KLC1: variants seen among roughly 807,000 people sequenced by gnomAD.
KLC1 encodes the protein kinesin 2 60/70kDa.
Under a neutral mutation model 84.2 loss-of-function variants are expected in KLC1, and 30 were observed. The observed-to-expected ratio is 0.36, with a 90% confidence interval of 0.27 to 0.48. KLC1 has a LOEUF of 0.48. Among genes scored for constraint, KLC1 ranks in the 20% least tolerant of loss-of-function variants. The probability of loss-of-function intolerance (pLI) is 0.99; values close to 1 mark genes in which losing one functional copy is unlikely to be tolerated. For missense variants in KLC1, 499 were observed against 805.4 expected, an observed-to-expected ratio of 0.62 and a Z score of 4.60; for synonymous variants, 289 against 293.3, an observed-to-expected ratio of 0.99 and a Z score of 0.15.
At chr14:103,670,077 G>T in intron 6 of KLC1, 105 bp from the exon 7 acceptor site, 1 of 755,234 alleles carries the variant, frequency 1.3e-6, no homozygotes. Flanking sequence ...ATCCGACTAA[G>T]AATGCTTTAC....
rs752914574 is a variant in KLC1 at position 103,657,607 on chromosome 14, C to T, written c.323C>T (p.Ala108Val). 4.4e-5 allele frequency: 71 copies of T among 1,613,958 alleles called. No individual in the cohort carries two copies. The highest frequency in any genetic ancestry group is 2.3e-4 in the African/African-American group (17 of 74,874). The change falls in exon 3 of 17, where the codon GCG becomes GTG. Residue 108 changes from alanine (A) to valine (V), a missense_variant. Coordinates refer to ENST00000334553, the MANE Select transcript of KLC1 (RefSeq NM_001394837.1). ...GAGTCCGAGAAGCAGAAACTGCGTG[C>T]GCAGGTTCGTCGTCTGTGCCAGGAG... ...AVESEKQKLR[A>V]QVRRLCQENQ...
intron 15 of KLC1, chr14:103,699,818 C>T (rs2082979909): frequency 7.1e-6 from 4 of 565,092 alleles, no homozygotes; most frequent in East Asian, 6.2e-5. Context: ...TTCCTCTGGC[C>T]CCCCCAGGCA....
intron 9 of KLC1, 113 bp from the exon 10 acceptor site, chr14:103,675,439 G>T: frequency 1.2e-6 from 1 of 812,420 alleles, no homozygotes; most frequent in South Asian, 1.7e-5. Context: ...TCCAAAGTTT[G>T]AAACTTTTCG....
intron 15 of KLC1, chr14:103,699,637 C>G (rs2082945995): frequency 3.8e-6 from 6 of 1,563,312 alleles, no homozygotes; most frequent in Non-Finnish European, 5.3e-6. Flanking sequence ...GGTGACCAGA[C>G]CCCGTTTGGA....
chr14:103,681,249 AT>A (rs1567035125), intron 13 of KLC1, among the ~76,000 whole-genome samples: 1 of 152,112 alleles, frequency 6.6e-6, no homozygotes, highest in East Asian at 1.9e-4. Context: ...GTTTTAAATT[AT>A]CCAGTGCAGT....
In KLC1 at chr14:103,638,513, CT is replaced by C. The variant is rs201843954; in HGVS notation, c.-2+9021del. Among the ~76,000 whole-genome samples the C allele has an allele frequency of 9.5e-4, 143 of 150,182 alleles. 3 individuals carry two copies. In the East Asian group the frequency reaches 0.02, roughly 21 times the overall value. Reference sequence around the variant, plus strand: ...ACACATTCCTTTTCCCTTTTTAGTGCTTGGTGTTTTTTTTTTTTCTTAACTT... The same window carrying C: ...ACACATTCCTTTTCCCTTTTTAGTGCTGGTGTTTTTTTTTTTTCTTAACTT... On this transcript the variant is annotated intron_variant, in intron 1 of 16. Coordinates refer to ENST00000334553, the MANE Select transcript of KLC1 (RefSeq NM_001394837.1).
At position 103,700,668 on chromosome 14, in the gene KLC1, G is replaced by A. The variant is rs531849628; in HGVS notation, c.1862G>A (p.Arg621Gln). Residue 621 changes from arginine to glutamine, a missense_variant, in exon 16 of 17, where the codon CGA becomes CAA. By Grantham distance (43) the Arg-to-Gln change is conservative. Around this residue, in one of 3 missense-constraint regions of KLC1, gnomAD observed 167 missense variants for 208.8 expected, o/e 0.80. Transcript: ENST00000334553. The stretch of plus-strand genomic sequence containing the variant: ...CTTCATCTCCAGGGCGTCTCTGGCC[G>A]AGCCTCTTTTTGTGGAAAACGACAG... The part of the protein sequence containing the change: ...AEDRFQGVSG[R>Q]ASFCGKRQQQ... The A allele has an allele frequency of 7.5e-6, 12 of 1,607,478 alleles. No homozygotes were observed. Among genetic ancestry groups the A allele is most frequent in the South Asian group, 3.3e-5 (3 of 90,452 alleles).
Position 103,701,482 on chromosome 14 carries a change from C to T in KLC1, c.*283C>T. 1 of 426,742 alleles carries T rather than the reference C, an allele frequency of 2.3e-6. No individual in the cohort carries two copies. Among genetic ancestry groups the T allele is most frequent in the Non-Finnish European group, 4.2e-6 (1 of 238,368 alleles). The allele number at this position is 426,742 out of a possible 1,614,324, so 26.4% of individuals were successfully genotyped here. Reference sequence around the variant, plus strand: ...GCTCCCTTCCCATGTGTAACTTCCTCACGTTGTGTGCGATAACGTATTTTA... The same window carrying T: ...GCTCCCTTCCCATGTGTAACTTCCTTACGTTGTGTGCGATAACGTATTTTA... On this transcript the variant is annotated 3_prime_UTR_variant, in exon 17 of 17. Coordinates refer to ENST00000334553, the MANE Select transcript of KLC1 (RefSeq NM_001394837.1).
chr14:103,685,307 T>G, intron 13 of KLC1: 1 of 1,319,068 alleles, frequency 7.6e-7, no homozygotes, highest in East Asian at 3.3e-5. Flanking sequence ...CATAATCTCC[T>G]TATATACAGT....
intron 7 of KLC1, among the ~76,000 whole-genome samples, chr14:103,671,519 G>A (rs1595472622): frequency 6.6e-6 from 1 of 151,518 alleles, no homozygotes. Context: ...ACAGGCATGT[G>A]CCACAACACC....
rs541667483 is a variant in KLC1 at position 103,701,405 on chromosome 14, C to G, written c.*206C>G. 146 of 525,422 alleles carry G rather than the reference C, an allele frequency of 2.8e-4. No individual in the cohort carries two copies. The highest frequency in any genetic ancestry group is 4.5e-4 in the Non-Finnish European group (134 of 298,934). The allele number at this position is 525,422 out of a possible 1,614,324, so 32.5% of individuals were successfully genotyped here. On this transcript the variant is annotated 3_prime_UTR_variant, in exon 17 of 17. Coordinates refer to ENST00000334553, the MANE Select transcript of KLC1 (RefSeq NM_001394837.1). ...CTGGGGCTGGGCCTAAGCTGGTGCC[C>G]TGGTGCGGCGTGGTCTCTCCCAGGA... is the stretch of plus-strand genomic sequence containing the variant.
rs548393636 is a variant in KLC1 at position 103,663,359 on chromosome 14, C to T, written c.797+432C>T. Among the ~76,000 whole-genome samples the T allele has an allele frequency of 2.0e-5, 3 of 152,270 alleles. No homozygotes were observed. The South Asian group carries it at 6.2e-4, about 32-fold the overall frequency. ...CCTCCCAAAACGCTGGGATTACAGG[C>T]GTGAGCCACCGCGCCCGGCCTATTT... On this transcript the variant is annotated intron_variant, in intron 5 of 16. Coordinates refer to ENST00000334553, the MANE Select transcript of KLC1 (RefSeq NM_001394837.1).
intron 3 of KLC1, among the ~76,000 whole-genome samples, chr14:103,660,326 C>T (rs894678072): frequency 6.6e-6 from 1 of 151,176 alleles, no homozygotes. Context: ...ACTAAAAATA[C>T]AAAAATTAGC....
intron 1 of KLC1, among the ~76,000 whole-genome samples, chr14:103,642,879 C>T (rs898192093): frequency 5.3e-5 from 8 of 151,876 alleles, no homozygotes; most frequent in Non-Finnish European, 1.2e-4. Flanking sequence ...GGCAATTCTC[C>T]TGTCTCAGCC....
Position 103,679,384 on chromosome 14 carries a change from G to T in KLC1, c.1489G>T (p.Gly497Cys). Residue 497 changes from glycine (G) to cysteine (C), a missense_variant and splice_region_variant, in exon 13 of 17, where the codon GGT becomes TGT. By Grantham distance (159) the Gly-to-Cys change is radical. Transcript: ENST00000334553. ...CCATTTTCCCCTGCCTGGCTCACAGGGTCTTGACAATGTTCACAAACAGAG... is the reference window on the plus strand; with the variant it reads ...CCATTTTCCCCTGCCTGGCTCACAGTGTCTTGACAATGTTCACAAACAGAG... ...EEAAMRSRKQ[G>C]LDNVHKQRVA... is the part of the protein sequence containing the mutation. The T allele has an allele frequency of 6.2e-7, 1 of 1,613,778 alleles. No homozygotes were observed. The highest frequency in any genetic ancestry group is 8.5e-7 in the Non-Finnish European group (1 of 1,179,926).
intron 1 of KLC1, among the ~76,000 whole-genome samples, chr14:103,640,828 C>T (rs1044215524): frequency 6.6e-5 from 10 of 152,172 alleles, no homozygotes; most frequent in African/African-American, 2.4e-4. Context: ...TTCCCACATA[C>T]TTTGCATCCA....
At chr14:103,635,060 A>G (rs72710752) in intron 1 of KLC1, among the ~76,000 whole-genome samples, 5 of 152,346 alleles carry the variant, frequency 3.3e-5, no homozygotes, top group Non-Finnish European at 7.3e-5. Context: ...TTGGAGGCAG[A>G]TGAAAGCAGT....
At chr14:103,671,903 A>G (rs1037037603) in intron 7 of KLC1, among the ~76,000 whole-genome samples, 4 of 152,202 alleles carry the variant, frequency 2.6e-5, no homozygotes, top group Admixed American at 6.5e-5. Flanking sequence ...AAAAGTATCA[A>G]ATTAAGGATT....
At chr14:103,688,628 CTGTGGG>C (rs1032209126) in intron 14 of KLC1, among the ~76,000 whole-genome samples, 14 of 152,268 alleles carry the variant, frequency 9.2e-5, no homozygotes, top group African/African-American at 3.4e-4. Context: ...CTTGGTATCC[CTGTGGG>C]AGTCTCTGTC....
Sources: allele counts gnomAD v4.1 joint callset (sites outside exome capture counted in the v4.1 genomes callset), GRCh38; gene constraint gnomAD v4.1.1; regional missense constraint gnomAD v4.1.1; transcripts MANE v1.5; gene names NCBI Gene and HGNC (gene_info 2026-07-23, HGNC 2026-07-21).